FGF14: variants seen among roughly 807,000 people sequenced by gnomAD.
FGF14 encodes the protein fibroblast growth factor 14.
A neutral mutation model predicts 25.5 loss-of-function variants in FGF14; 5 were observed. That is an observed-to-expected ratio of 0.20 (90% CI 0.10 to 0.41). The LOEUF (loss-of-function observed/expected upper bound fraction) is 0.41. Among genes scored for constraint, FGF14 ranks in the 10% least tolerant of loss-of-function variants. The probability of loss-of-function intolerance (pLI) is 1.00; values close to 1 mark genes in which losing one functional copy is unlikely to be tolerated. For synonymous variants in FGF14, 138 were observed against 118.3 expected, an observed-to-expected ratio of 1.17 and a Z score of -1.08; for missense variants, 222 against 320.1, an observed-to-expected ratio of 0.69 and a Z score of 2.34.
At chr13:102,343,197 A>C (rs2057004175) in intron 1 of FGF14, among the ~76,000 whole-genome samples, 1 of 152,168 alleles carries the variant, frequency 6.6e-6, no homozygotes, top group African/African-American at 2.4e-5. Context: ...ATGACCACGC[A>C]GAGATAATAA....
At chr13:102,021,741 A>T (rs546968831) in intron 1 of FGF14, among the ~76,000 whole-genome samples, 1 of 152,146 alleles carries the variant, frequency 6.6e-6, no homozygotes, top group East Asian at 1.9e-4. Context: ...CACTGCCAGA[A>T]ATACCAAACT....
intron 3 of FGF14, among the ~76,000 whole-genome samples, chr13:101,759,746 C>T (rs1159218665): frequency 6.6e-6 from 1 of 152,140 alleles, no homozygotes; most frequent in Non-Finnish European, 1.5e-5. Flanking sequence ...CTTCTCAGTC[C>T]TTAAGATCCT....
At chr13:102,114,924 ATAAT>A (rs2045398059) in intron 1 of FGF14, among the ~76,000 whole-genome samples, 2 of 152,222 alleles carry the variant, frequency 1.3e-5, no homozygotes, top group South Asian at 2.1e-4. Context: ...CCTATAGTCA[ATAAT>A]TATATATTGA....
chr13:102,356,928 C>CATATAT (rs3066054), intron 1 of FGF14, among the ~76,000 whole-genome samples: 1,570 of 141,960 alleles, frequency 0.011, 19 homozygotes, highest in African/African-American at 0.027. Flanking sequence ...CTATAAAATG[C>CATATAT]ATATATATAT....
chr13:102,073,609 T>C (rs911070861), intron 1 of FGF14, among the ~76,000 whole-genome samples: 9 of 152,122 alleles, frequency 5.9e-5, no homozygotes, highest in Non-Finnish European at 1.2e-4. Context: ...AGGAAATTTT[T>C]CAAAACATAT....
chr13:102,155,482 A>T (rs2047287363), intron 1 of FGF14, among the ~76,000 whole-genome samples: 1 of 151,522 alleles, frequency 6.6e-6, no homozygotes, highest in Admixed American at 6.7e-5. Flanking sequence ...AAGACACAAC[A>T]TACCAGAATC....
At chr13:102,216,215 T>A (rs560908290) in intron 1 of FGF14, among the ~76,000 whole-genome samples, 1 of 152,330 alleles carries the variant, frequency 6.6e-6, no homozygotes, top group South Asian at 2.1e-4. Context: ...ATTCTATACC[T>A]CTGAGTAGCT....
intron 1 of FGF14, among the ~76,000 whole-genome samples, chr13:102,076,930 A>G (rs2043390887): frequency 6.6e-6 from 1 of 152,184 alleles, no homozygotes; most frequent in Non-Finnish European, 1.5e-5. Flanking sequence ...GAGTAATAGA[A>G]CAGACACATA....
chr13:102,038,475 T>C (rs2041579025), intron 1 of FGF14, among the ~76,000 whole-genome samples: 1 of 152,166 alleles, frequency 6.6e-6, no homozygotes, highest in Non-Finnish European at 1.5e-5. Flanking sequence ...TTATCCATTT[T>C]TCTACCTCTA....
At chr13:102,063,343 T>C (rs988856193) in intron 1 of FGF14, among the ~76,000 whole-genome samples, 3 of 152,156 alleles carry the variant, frequency 2.0e-5, no homozygotes, top group African/African-American at 4.8e-5. Context: ...GTGTTATAAA[T>C]TGGTAATGCC....
chr13:102,318,519 C>G lies in FGF14; in HGVS notation c.208+82952G>C, dbSNP rs530194978. Among the ~76,000 whole-genome samples, 7 of 152,314 alleles carry G rather than the reference C, an allele frequency of 4.6e-5. No homozygotes were observed. The East Asian group carries it at 1.3e-3, about 29-fold the overall frequency. On this transcript the variant is annotated intron_variant, in intron 1 of 4. Coordinates refer to the FGF14 transcript ENST00000376131. ...AGGGAGACTCTGGTCCACGCCTTTT[C>G]CAAGCTGCTAGTGGTTTTTCTGCCT...
At chr13:101,833,133 G>A (rs1190635241) in intron 3 of FGF14, among the ~76,000 whole-genome samples, 1 of 151,990 alleles carries the variant, frequency 6.6e-6, no homozygotes, top group Non-Finnish European at 1.5e-5. Context: ...GGGTGGGTAG[G>A]AGGTAGGGTC....
intron 1 of FGF14, among the ~76,000 whole-genome samples, chr13:102,179,673 C>T (rs965330074): frequency 6.6e-6 from 1 of 152,088 alleles, no homozygotes; most frequent in Non-Finnish European, 1.5e-5. Context: ...AGTAGCAGAT[C>T]CCAAATTTAA....
chr13:101,876,079 C>T (rs1438373462), intron 1 of FGF14, among the ~76,000 whole-genome samples: 2 of 152,084 alleles, frequency 1.3e-5, no homozygotes, highest in Non-Finnish European at 2.9e-5. Flanking sequence ...TGTCAACGGG[C>T]ATTGAGATAG....
intron 3 of FGF14, among the ~76,000 whole-genome samples, chr13:101,775,305 AG>A (rs2039035841): frequency 1.3e-5 from 2 of 152,192 alleles, no homozygotes; most frequent in Non-Finnish European, 2.9e-5. Flanking sequence ...ATTAACCCAA[AG>A]AAAACTTAGC....
At chr13:102,133,139 C>T (rs1223579299) in intron 1 of FGF14, among the ~76,000 whole-genome samples, 1 of 152,172 alleles carries the variant, frequency 6.6e-6, no homozygotes, top group African/African-American at 2.4e-5. Flanking sequence ...ACCAGCACAG[C>T]AGTATGACAT....
chr13:101,916,778 G>A lies in FGF14; in HGVS notation c.-133C>T. 4 of 767,556 alleles carry A rather than the reference G, an allele frequency of 5.2e-6. No homozygotes were observed. Among genetic ancestry groups the A allele is most frequent in the Admixed American group, 3.0e-5 (1 of 32,938 alleles). 47.5% of individuals were successfully genotyped at this position (767,556 alleles called of 1,614,324 possible). On this transcript the variant is annotated 5_prime_UTR_variant, in exon 1 of 5. Transcript: ENST00000376143. Reference sequence around the variant, plus strand: ...GGAGGGGGTGCCAGGCGGGACTGGGGAGAGGGGAAGGGGGGCTCAGTCCTG... The same window carrying A: ...GGAGGGGGTGCCAGGCGGGACTGGGAAGAGGGGAAGGGGGGCTCAGTCCTG...
intron 1 of FGF14, among the ~76,000 whole-genome samples, chr13:101,882,907 GGGA>G (rs2045789285): frequency 6.6e-6 from 1 of 152,000 alleles, no homozygotes; most frequent in African/African-American, 2.4e-5. Context: ...AGCTGCTTCT[GGGA>G]GGAGATGGGA....
At chr13:102,169,138 TTACACTAAAGGGCC>T (rs1427198441) in intron 1 of FGF14, among the ~76,000 whole-genome samples, 1 of 151,146 alleles carries the variant, frequency 6.6e-6, no homozygotes, top group African/African-American at 2.4e-5. Flanking sequence ...GGCAACTAGA[TTACACTAAAGGGCC>T]TACACTTTTA....
Sources: gnomAD v4.1 joint callset for allele counts (sites outside exome capture counted in the v4.1 genomes callset) on GRCh38, gnomAD v4.1.1 for gene constraint, MANE v1.5 for transcripts, NCBI Gene and HGNC (gene_info 2026-07-23, HGNC 2026-07-21) for gene names.